SLC23A1: variants seen among roughly 807,000 people sequenced by gnomAD.
SLC23A1 encodes the protein solute carrier family 23 member 1.
In SLC23A1, 31 loss-of-function variants were observed where a neutral mutation model predicts 62.5. The ratio of observed to expected loss-of-function variants is 0.50; its 90% CI spans 0.37 to 0.67. The LOEUF (loss-of-function observed/expected upper bound fraction) is 0.67, where lower values mean the gene tolerates loss of function less well. SLC23A1 is among the 30% of genes least tolerant of loss of function. The probability of loss-of-function intolerance (pLI) is 0.00; values close to 1 mark genes in which losing one functional copy is unlikely to be tolerated. For synonymous variants in SLC23A1, 271 were observed against 313.2 expected (o/e 0.87, Z 1.42); for missense variants, 640 against 782.7 (o/e 0.82, Z 2.18).
At chr5:139,373,426 C>G (rs568951822) in intron 13 of SLC23A1, among the ~76,000 whole-genome samples, 1 of 152,186 alleles carries the variant, frequency 6.6e-6, no homozygotes, top group East Asian at 1.9e-4. Context: ...GTGATCAGCC[C>G]GCCTTGGCCT....
chr5:139,378,130 A>C lies in SLC23A1; in HGVS notation c.1310-12T>G, dbSNP rs144432524. 1,433 of 1,614,182 alleles carry C rather than the reference A, an allele frequency of 8.9e-4. 1 individual carries two copies. Among genetic ancestry groups the C allele is most frequent in the Non-Finnish European group, 1.1e-3 (1,305 of 1,180,006 alleles). On this transcript the variant is annotated splice_polypyrimidine_tract_variant and intron_variant, in intron 11 of 14. Transcript: ENST00000348729. This position sits in a 1 kb window ranked among gnomAD's most constrained non-coding sequence, Gnocchi z 4.5. ...AGCTGTAATCATGCCTAAGGGCGCAAGAGAACGGCTGGAGGCGCCGCACAC... is the reference window on the plus strand; with the variant it reads ...AGCTGTAATCATGCCTAAGGGCGCACGAGAACGGCTGGAGGCGCCGCACAC...
At chr5:139,381,825 C>G (rs1758277229) in intron 3 of SLC23A1, 67 bp downstream of exon 3, 2 of 1,333,528 alleles carry the variant, frequency 1.5e-6, no homozygotes, top group Non-Finnish European at 2.1e-6. Context: ...GGGAGCCCAC[C>G]TGCTCCTGCT....
Position 139,379,247 on chromosome 5 carries a change from G to A in SLC23A1, c.1033C>T (p.Leu345=). The stretch of plus-strand genomic sequence containing the variant: ...ACTGGAGGGGGTGGTGCACCAGCCA[G>A]GCGGGCACAGGCGTAGTAATCTCCG... ...SIGDYYACAR[L]AGAPPPPVHA... is the part of the protein sequence containing the mutation. Residue 345 remains leucine (L), a synonymous_variant, in exon 9 of 15, where the codon CTG becomes TTG. Coordinates refer to ENST00000348729, the MANE Select transcript of SLC23A1 (RefSeq NM_005847.5). The surrounding 1 kb of genome is among the most constrained non-coding windows in gnomAD (Gnocchi z 4.7). The A allele has an allele frequency of 6.2e-7, 1 of 1,614,220 alleles. No individual in the cohort carries two copies. Among genetic ancestry groups the A allele is most frequent in the Non-Finnish European group, 8.5e-7 (1 of 1,180,036 alleles).
Position 139,378,470 on chromosome 5 carries a change from G to T in SLC23A1, c.1179+109C>A. Reference sequence around the variant, plus strand: ...ACCGGCTGGGGCTTGATGCGGGGGCGAGGCCTCTCAAAGACAGGGTGGGGC... The same window carrying T: ...ACCGGCTGGGGCTTGATGCGGGGGCTAGGCCTCTCAAAGACAGGGTGGGGC... On this transcript the variant is annotated intron_variant, in intron 10 of 14. Coordinates refer to ENST00000348729, the MANE Select transcript of SLC23A1 (RefSeq NM_005847.5). This position sits in a 1 kb window ranked among gnomAD's most constrained non-coding sequence, Gnocchi z 4.5. 1.4e-6 allele frequency: 2 copies of T among 1,425,580 alleles called. No homozygotes were observed. The highest frequency in any genetic ancestry group is 1.9e-6 in the Non-Finnish European group (2 of 1,039,998). The allele number at this position is 1,425,580 out of a possible 1,614,324, so 88.3% of individuals were successfully genotyped here. A position where few individuals can be genotyped will look rare whatever the true frequency, so the allele number is the denominator to read the frequency against.
In SLC23A1 at chr5:139,379,433, G is replaced by C; in HGVS notation, c.926-79C>G. The C allele has an allele frequency of 6.9e-7, 1 of 1,440,548 alleles. No homozygotes were observed. The highest frequency in any genetic ancestry group is 1.2e-5 in the South Asian group (1 of 86,032). 89.2% of individuals were successfully genotyped at this position (1,440,548 alleles called of 1,614,324 possible). A position where few individuals can be genotyped will look rare whatever the true frequency, so the allele number is the denominator to read the frequency against. ...AGGAATAGACAGGGCAGTGCTGGAA[G>C]GAGCAAGAGCAGATCAGGAGACCTC... is the stretch of plus-strand genomic sequence containing the variant. On this transcript the variant is annotated intron_variant, in intron 8 of 14. Transcript: ENST00000348729. This position sits in a 1 kb window ranked among gnomAD's most constrained non-coding sequence, Gnocchi z 4.7.
rs746131472 is a variant in SLC23A1 at position 139,380,377 on chromosome 5, T to C, written c.478A>G (p.Ile160Val). 5 of 1,613,118 alleles carry C rather than the reference T, an allele frequency of 3.1e-6. No individual in the cohort carries two copies. Among genetic ancestry groups the C allele is most frequent in the Non-Finnish European group, 4.2e-6 (5 of 1,179,702 alleles). ...HPRIREVQGAIMVSSVVEVVI... is the reference protein window; with the variant it reads ...HPRIREVQGAVMVSSVVEVVI... ...ACCTCCACCACGCTGGACACCATGA[T>C]TGCACCCTGGACCTGGAAGGGCAAA... The change falls in exon 6 of 15, where the codon ATC becomes GTC. Residue 160 changes from isoleucine (I) to valine (V), a missense_variant. By Grantham distance (29) the Ile-to-Val change is conservative. Transcript: ENST00000348729.
chr5:139,375,587 C>G (rs1463445728), intron 13 of SLC23A1, among the ~76,000 whole-genome samples: 1 of 151,140 alleles, frequency 6.6e-6, no homozygotes, highest in South Asian at 2.1e-4. Context: ...GTAATCCTAG[C>G]ACTTTGGGAG....
rs1347282939 is a variant in SLC23A1, at chr5:139,379,479, C to T, written c.926-125G>A. 9.2e-7 allele frequency: 1 copy of T among 1,088,664 alleles called. No individual in the cohort carries two copies. Among genetic ancestry groups the T allele is most frequent in the Admixed American group, 2.0e-5 (1 of 50,808 alleles). 67.4% of individuals were successfully genotyped at this position (1,088,664 alleles called of 1,614,324 possible). ...ACCTCAGGCTGGGATGGGAGCTATA[C>T]AGTTGTGGGAGCTTATTTGAGTCAC... On this transcript the variant is annotated intron_variant, in intron 8 of 14. Coordinates refer to ENST00000348729, the MANE Select transcript of SLC23A1 (RefSeq NM_005847.5). The surrounding 1 kb of genome is among the most constrained non-coding windows in gnomAD (Gnocchi z 4.7).
At chr5:139,368,531 A>AAAAAG (rs139381490) in intron 14 of SLC23A1, among the ~76,000 whole-genome samples, 1 of 152,140 alleles carries the variant, frequency 6.6e-6, no homozygotes, top group East Asian at 1.9e-4. Context: ...TCCGTCACAA[A>AAAAAG]AAAAGAAAAG....
upstream of SLC23A1, among the ~76,000 whole-genome samples, chr5:139,384,927 G>A (rs1016938315): frequency 6.6e-6 from 1 of 152,166 alleles, no homozygotes; most frequent in Non-Finnish European, 1.5e-5. Flanking sequence ...CTTCAGGCAG[G>A]TCCTGGAACA....
At chr5:139,372,504 T>C (rs1757722636) in intron 13 of SLC23A1, among the ~76,000 whole-genome samples, 1 of 152,222 alleles carries the variant, frequency 6.6e-6, no homozygotes, top group African/African-American at 2.4e-5. Context: ...GCTAAGTGCT[T>C]TAATTTCATT....
intron 14 of SLC23A1, among the ~76,000 whole-genome samples, chr5:139,370,371 AT>A (rs1282106333): frequency 6.6e-6 from 1 of 152,142 alleles, no homozygotes; most frequent in Non-Finnish European, 1.5e-5. Context: ...GAGTTTCACC[AT>A]GTTAGCCGGG....
In SLC23A1 at chr5:139,382,115, C is replaced by G. The variant is rs1758301614; in HGVS notation, c.151-66G>C. On this transcript the variant is annotated intron_variant, in intron 2 of 14. Transcript: ENST00000348729. ...CAGAGCTCCAGGGAGAGGGGACAACCTAGTGTCCTCATGCCTGCCTCAGCG... is the reference window on the plus strand; with the variant it reads ...CAGAGCTCCAGGGAGAGGGGACAACGTAGTGTCCTCATGCCTGCCTCAGCG... 3.4e-6 allele frequency: 5 copies of G among 1,484,120 alleles called. No individual in the cohort carries two copies. The South Asian group carries it at 5.0e-5, about 15-fold the overall frequency. The allele number at this position is 1,484,120 out of a possible 1,614,324, so 91.9% of individuals were successfully genotyped here.
At position 139,379,725 on chromosome 5, in the gene SLC23A1, C is replaced by T. The variant is rs752174683; in HGVS notation, c.878G>A (p.Arg293His). 1.7e-5 allele frequency: 28 copies of T among 1,613,852 alleles called. No homozygotes were observed. The Admixed American group carries it at 2.2e-4, about 12-fold the overall frequency. Reference protein sequence around the residue: ...AYGFQARTDARGDIMAIAPWI... With the variant: ...AYGFQARTDAHGDIMAIAPWI... ...GGGTGCAATAGCCATGATGTCACCA[C>T]GGGCATCGGTTCGTGCCTGGAAGCC... is the stretch of plus-strand genomic sequence containing the variant. Residue 293 changes from arginine (R) to histidine (H), a missense_variant, in exon 8 of 15, where the codon CGT becomes CAT. Coordinates refer to ENST00000348729, the MANE Select transcript of SLC23A1 (RefSeq NM_005847.5). This position sits in a 1 kb window ranked among gnomAD's most constrained non-coding sequence, Gnocchi z 4.7.
chr5:139,379,296 A>T lies in SLC23A1; in HGVS notation c.984T>A (p.Thr328=), dbSNP rs752993333. The change falls in exon 9 of 15, where the codon ACT becomes ACA. Residue 328 remains threonine (T), a synonymous_variant. Transcript: ENST00000348729. The surrounding 1 kb of genome is among the most constrained non-coding windows in gnomAD (Gnocchi z 4.7). The stretch of plus-strand genomic sequence containing the variant: ...CGATGGACTCAATGATGCCTGCCAG[A>T]GTGGCGCTGAACATTCCCAGGACAG... ...AAAVLGMFSA[T]LAGIIESIGD... 3.7e-6 allele frequency: 6 copies of T among 1,614,044 alleles called. No individual in the cohort carries two copies. Among genetic ancestry groups the T allele is most frequent in the Non-Finnish European group, 5.1e-6 (6 of 1,180,012 alleles).
At chr5:139,376,593 G>A (rs1214904921) in intron 13 of SLC23A1, among the ~76,000 whole-genome samples, 1 of 152,202 alleles carries the variant, frequency 6.6e-6, no homozygotes, top group Non-Finnish European at 1.5e-5. Flanking sequence ...AGCACCTGGT[G>A]ACATTTATTT....
intron 12 of SLC23A1, among the ~76,000 whole-genome samples, chr5:139,377,770 T>G (rs1443359844): frequency 2.0e-5 from 3 of 152,182 alleles, no homozygotes; most frequent in Non-Finnish European, 4.4e-5. Flanking sequence ...TTTTGAAAAT[T>G]AAATAAGCAC....
chr5:139,383,284 GGAGAA>G lies in SLC23A1; in HGVS notation c.-36_-32del. On this transcript the variant is annotated 5_prime_UTR_variant, in exon 1 of 15. Coordinates refer to ENST00000348729, the MANE Select transcript of SLC23A1 (RefSeq NM_005847.5). ...GGGCACAGGTTTGAGCAGTTCCTGA[GGAGAA>G]GAGGGGATGACTTGACAAAGGCCAA... 1.2e-6 allele frequency: 2 copies of G among 1,605,758 alleles called. No homozygotes were observed. Among genetic ancestry groups the G allele is most frequent in the Non-Finnish European group, 1.7e-6 (2 of 1,176,022 alleles).
At chr5:139,380,920 A>T in intron 3 of SLC23A1, 34 bp from the exon 4 acceptor site, 2 of 40,720 alleles carry the variant, frequency 4.9e-5, no homozygotes. Context: ...AGGGGTGGGG[A>T]GGGGCGGGTG....
Sources: gnomAD v4.1 joint callset for allele counts (sites outside exome capture counted in the v4.1 genomes callset) on GRCh38, gnomAD v4.1.1 for gene constraint, Gnocchi (gnomAD v3.1) non-coding constraint, MANE v1.5 for transcripts, NCBI Gene and HGNC (gene_info 2026-07-23, HGNC 2026-07-21) for gene names.